DNAH6: variants seen among roughly 807,000 people sequenced by gnomAD.
DNAH6 encodes the protein dynein axonemal heavy chain 6.
DNAH6 carries 340 observed loss-of-function variants against 491.4 expected under a neutral mutation model. The observed-to-expected ratio is 0.69, with a 90% CI of 0.63 to 0.76. The LOEUF (loss-of-function observed/expected upper bound fraction) is 0.76. Among genes scored for constraint, DNAH6 ranks in the 30% least tolerant of loss-of-function variants. The probability of loss-of-function intolerance (pLI) is 0.00; values close to 1 mark genes in which losing one functional copy is unlikely to be tolerated. For missense variants in DNAH6, 4,443 were observed against 4,972.2 expected (o/e 0.89, Z 3.20); for synonymous variants, 1,603 against 1,686.1 (o/e 0.95, Z 1.21).
At chr2:84,778,154 A>T in intron 64 of DNAH6, 2 of 754,724 alleles carry the variant, frequency 2.6e-6, no homozygotes, top group Non-Finnish European at 4.9e-6. Context: ...CAACAACTAT[A>T]ATCTTATCCT....
In DNAH6 at chr2:84,604,348, A is replaced by T. The variant is rs1685550684; in HGVS notation, c.2878A>T (p.Ile960Phe). ...VEKMKEKLPV[I>F]IDLRNPTLKA... ...AGTGTTTGTTTTTCAGCTTCCAGTTATCATTGACTTGAGGAACCCGACTTT... is the reference window on the plus strand; with the variant it reads ...AGTGTTTGTTTTTCAGCTTCCAGTTTTCATTGACTTGAGGAACCCGACTTT... Residue 960 changes from isoleucine to phenylalanine, a missense_variant, in exon 19 of 77, where the codon ATC becomes TTC. Ile to Phe is a conservative substitution (Grantham distance 21, BLOSUM62 0). Transcript: ENST00000389394. 6.4e-7 allele frequency: 1 copy of T among 1,551,934 alleles called. No homozygotes were observed. The highest frequency in any genetic ancestry group is 8.7e-7 in the Non-Finnish European group (1 of 1,146,846).
At chr2:84,701,390 T>C in intron 49 of DNAH6, 51 bp downstream of exon 49, 2 of 1,520,690 alleles carry the variant, frequency 1.3e-6, no homozygotes, top group Non-Finnish European at 1.8e-6. Context: ...ACTCAGAACT[T>C]TTGAGAATGC....
At position 84,624,634 on chromosome 2, in the gene DNAH6, C is replaced by G. The variant is rs1296794725; in HGVS notation, c.4353+14C>G. The G allele has an allele frequency of 2.6e-6, 4 of 1,549,712 alleles. No homozygotes were observed. In the South Asian group the frequency reaches 3.6e-5, roughly 14 times the overall value. On this transcript the variant is annotated intron_variant, in intron 28 of 76. Coordinates refer to ENST00000389394, the MANE Select transcript of DNAH6 (RefSeq NM_001370.2). Reference sequence around the variant, plus strand: ...ACTCCACTCACAGTAAGTTATTGATCACTTGGGTTAATATTGACACAAGAG... The same window carrying G: ...ACTCCACTCACAGTAAGTTATTGATGACTTGGGTTAATATTGACACAAGAG...
chr2:84,807,438 C>T (rs551602057), intron 71 of DNAH6, among the ~76,000 whole-genome samples: 1 of 152,330 alleles, frequency 6.6e-6, no homozygotes, highest in East Asian at 1.9e-4. Context: ...AGAAGAGCTA[C>T]ATTTTCCATC....
chr2:84,799,844 C>T (rs964468746), intron 70 of DNAH6, among the ~76,000 whole-genome samples: 3 of 152,220 alleles, frequency 2.0e-5, no homozygotes, highest in African/African-American at 7.2e-5. Context: ...TCTCATTTTC[C>T]ACCCTCACCC....
At chr2:84,491,238 C>T in the DNAH6 span, among the ~76,000 whole-genome samples, 7 of 152,230 alleles carry the variant, frequency 4.6e-5, no homozygotes, top group East Asian at 9.7e-4. Context: ...CCACAAGCAA[C>T]GTATGTGAGT....
intron 33 of DNAH6, among the ~76,000 whole-genome samples, chr2:84,649,762 C>T (rs1690243296): frequency 6.6e-6 from 1 of 151,678 alleles, no homozygotes; most frequent in African/African-American, 2.4e-5. Context: ...AGCTGGACAC[C>T]ATTATCCTCA....
rs769546828 is a variant in DNAH6 at position 84,669,498 on chromosome 2, T to C, written c.6294T>C (p.Thr2098=). ...VKHSVLFTGI[T]GVGKSVIAKG... ...ATTCCGTGTTGTTTACTGGAATAACTGGAGTGGGCAAGGTAGGAAACTTAC... is the reference window on the plus strand; with the variant it reads ...ATTCCGTGTTGTTTACTGGAATAACCGGAGTGGGCAAGGTAGGAAACTTAC... Residue 2098 remains threonine, a synonymous_variant, in exon 38 of 77, where the codon ACT becomes ACC. Coordinates refer to ENST00000389394, the MANE Select transcript of DNAH6 (RefSeq NM_001370.2). 1 of 1,551,702 alleles carries C rather than the reference T, an allele frequency of 6.4e-7. No homozygotes were observed. Among genetic ancestry groups the C allele is most frequent in the South Asian group, 1.2e-5 (1 of 84,058 alleles).
intron 11 of DNAH6, among the ~76,000 whole-genome samples, chr2:84,564,790 A>G (rs1305053355): frequency 1.3e-5 from 2 of 152,090 alleles, no homozygotes; most frequent in African/African-American, 4.8e-5. Context: ...AATGGTTTCA[A>G]CTTTTGCCCA....
At chr2:84,515,328 C>A (rs915464712), upstream of DNAH6, among the ~76,000 whole-genome samples, 1 of 152,190 alleles carries the variant, frequency 6.6e-6, no homozygotes, top group Non-Finnish European at 1.5e-5. Context: ...ATTGGGAGAT[C>A]TGCATTCTAG....
intron 62 of DNAH6, among the ~76,000 whole-genome samples, chr2:84,733,972 A>G (rs1002879287): frequency 6.0e-5 from 9 of 150,042 alleles, no homozygotes; most frequent in African/African-American, 2.2e-4. Flanking sequence ...GTGTAGATTT[A>G]TTTATGAGCC....
At chr2:84,570,653 C>CA (rs1409291581) in intron 11 of DNAH6, among the ~76,000 whole-genome samples, 1 of 152,140 alleles carries the variant, frequency 6.6e-6, no homozygotes, top group African/African-American at 2.4e-5. Context: ...GTAAATGCAC[C>CA]AATCAGCACT....
intron 63 of DNAH6, among the ~76,000 whole-genome samples, chr2:84,751,395 AAGG>A (rs1673457521): frequency 1.3e-5 from 2 of 152,308 alleles, no homozygotes; most frequent in East Asian, 3.9e-4. Flanking sequence ...CTATTGGGAG[AAGG>A]AGGATAGTCC....
At chr2:84,720,037 G>A (rs994483239) in intron 59 of DNAH6, among the ~76,000 whole-genome samples, 5 of 152,076 alleles carry the variant, frequency 3.3e-5, no homozygotes, top group Admixed American at 2.6e-4. Flanking sequence ...TCTGAGAGGA[G>A]AAGGGCTAGG....
chr2:84,482,481 C>T, the DNAH6 span, among the ~76,000 whole-genome samples: 1 of 152,236 alleles, frequency 6.6e-6, no homozygotes, highest in African/African-American at 2.4e-5. Context: ...AGCATCACCT[C>T]ATTTTAAAAA....
intron 61 of DNAH6, among the ~76,000 whole-genome samples, chr2:84,730,827 A>G (rs1699060794): frequency 6.6e-6 from 1 of 152,252 alleles, no homozygotes. Flanking sequence ...CATTATTATT[A>G]GAGATCAAAA....
At chr2:84,653,219 T>G in intron 33 of DNAH6, 100 bp from the exon 34 acceptor site, 3 of 1,019,472 alleles carry the variant, frequency 2.9e-6, no homozygotes, top group Non-Finnish European at 4.2e-6. Context: ...GAAAGATCAA[T>G]GAGAAACAAT....
At chr2:84,818,006 A>G (rs764696861) in intron 76 of DNAH6, among the ~76,000 whole-genome samples, 1 of 152,210 alleles carries the variant, frequency 6.6e-6, no homozygotes, top group Admixed American at 6.5e-5. Flanking sequence ...TGAGATTTGG[A>G]GGGATCAAAC....
chr2:84,567,300 C>A (rs4599135), intron 11 of DNAH6, among the ~76,000 whole-genome samples: 2 of 152,014 alleles, frequency 1.3e-5, no homozygotes, highest in African/African-American at 4.8e-5. Flanking sequence ...TAGAAAAAAA[C>A]TGCTTTAAAA....
Sources: gnomAD v4.1 joint callset for allele counts (sites outside exome capture counted in the v4.1 genomes callset) on GRCh38, gnomAD v4.1.1 for gene constraint, MANE v1.5 for transcripts, NCBI Gene and HGNC (gene_info 2026-07-23, HGNC 2026-07-21) for gene names.